Variants in HDAC9 observed in about 807,000 individuals in gnomAD.
HDAC9 encodes the protein MEF-2 interacting transcription repressor (MITR) protein.
HDAC9 carries 41 observed loss-of-function variants against 139.4 expected under a neutral mutation model. That is an observed-to-expected ratio of 0.29 (90% CI 0.23 to 0.38). The LOEUF (loss-of-function observed/expected upper bound fraction) is 0.38. Ranked by LOEUF, HDAC9 falls within the 10% of genes least tolerant of loss-of-function variation. HDAC9 has a pLI of 1.00. For synonymous variants in HDAC9, 517 were observed against 476.2 expected (o/e 1.09, Z -1.12); for missense variants, 1,147 against 1,297.0 (o/e 0.88, Z 1.78).
chr7:18,377,446 A>G (rs1785081897), intron 1 of HDAC9, among the ~76,000 whole-genome samples: 1 of 152,206 alleles, frequency 6.6e-6, no homozygotes, highest in African/African-American at 2.4e-5. Flanking sequence ...AGTAGTATTT[A>G]TTAACCATAT....
At chr7:18,475,123 CA>C (rs1027371689) in intron 1 of HDAC9, among the ~76,000 whole-genome samples, 4 of 152,168 alleles carry the variant, frequency 2.6e-5, no homozygotes, top group African/African-American at 9.6e-5. Flanking sequence ...CTTTGCCTAA[CA>C]GAGCTCGGAA....
At chr7:18,676,057 T>C (rs1781485392) in intron 12 of HDAC9, among the ~76,000 whole-genome samples, 1 of 151,158 alleles carries the variant, frequency 6.6e-6, no homozygotes, top group African/African-American at 2.4e-5. Context: ...ATAAGCTATG[T>C]CTGTGCCCAG....
chr7:18,765,533 CGGT>C (rs1584998956), intron 15 of HDAC9, among the ~76,000 whole-genome samples: 1 of 151,918 alleles, frequency 6.6e-6, no homozygotes, highest in Non-Finnish European at 1.5e-5. Flanking sequence ...GCAGAAGAAT[CGGT>C]GGAGGCTGCA....
At chr7:18,847,942 C>A (rs1291201346) in intron 21 of HDAC9, among the ~76,000 whole-genome samples, 7 of 152,180 alleles carry the variant, frequency 4.6e-5, no homozygotes, top group Non-Finnish European at 1.0e-4. Flanking sequence ...TCAGACTTAA[C>A]TCGTTATGAA....
At chr7:18,298,927 A>G (rs1249483206) in intron 1 of HDAC9, among the ~76,000 whole-genome samples, 1 of 152,174 alleles carries the variant, frequency 6.6e-6, no homozygotes, top group Non-Finnish European at 1.5e-5. Flanking sequence ...AGTAAGTAGG[A>G]GGGAAAGTGT....
intron 1 of HDAC9, among the ~76,000 whole-genome samples, chr7:18,304,617 A>C: frequency 6.6e-6 from 1 of 152,178 alleles, no homozygotes; most frequent in East Asian, 1.9e-4. Context: ...GTTCTCTTTG[A>C]CAAAAAAGTA....
At chr7:18,207,559 A>ATTTTTTTTTTTTTTTTTTTTCTTT (rs1584636090) in intron 2 of HDAC9, among the ~76,000 whole-genome samples, 1 of 37,348 alleles carries the variant, frequency 2.7e-5, no homozygotes, top group Admixed American at 3.2e-4. Flanking sequence ...TTTTTTTTTG[A>ATTTTTTTTTTTTTTTTTTTTCTTT]TTTGAGCTTT....
intron 1 of HDAC9, among the ~76,000 whole-genome samples, chr7:18,362,769 A>G (rs1198668247): frequency 6.6e-6 from 1 of 152,186 alleles, no homozygotes; most frequent in Non-Finnish European, 1.5e-5. Flanking sequence ...CTACATTTAT[A>G]TCTTAGCAAT....
chr7:18,880,861 A>G (rs983784904), intron 22 of HDAC9, among the ~76,000 whole-genome samples: 68 of 151,474 alleles, frequency 4.5e-4, no homozygotes, highest in Non-Finnish European at 7.4e-4. Context: ...GGGGAACCAA[A>G]TAACAAAGCT....
intron 12 of HDAC9, among the ~76,000 whole-genome samples, chr7:18,716,687 A>G (rs1349700462): frequency 1.3e-5 from 2 of 152,204 alleles, no homozygotes; most frequent in Non-Finnish European, 2.9e-5. Context: ...CCAATTGAGA[A>G]ACAGTGTTGT....
chr7:18,708,178 T>A (rs1333503087), intron 12 of HDAC9, among the ~76,000 whole-genome samples: 2 of 152,078 alleles, frequency 1.3e-5, no homozygotes, highest in East Asian at 3.9e-4. Context: ...AGTTACTGTT[T>A]GTTGGCGTCT....
At position 18,469,581 on chromosome 7, in the gene HDAC9, G is replaced by T. The variant is rs138639126; in HGVS notation, c.-41-26681G>T. Among the ~76,000 whole-genome samples the T allele has an allele frequency of 4.8e-3, 728 of 152,256 alleles. 4 individuals are homozygous for T. Among genetic ancestry groups the T allele is most frequent in the Non-Finnish European group, 8.6e-3 (583 of 68,022 alleles). ...AGTAACAACCTAATGGTACCACATT[G>T]TATTTCATGAATGGGAGCAATTCAC... is the stretch of plus-strand genomic sequence containing the variant. On this transcript the variant is annotated intron_variant, in intron 1 of 3. Coordinates refer to the HDAC9 transcript ENST00000413509.
intron 17 of HDAC9, among the ~76,000 whole-genome samples, chr7:18,801,569 A>G (rs971557291): frequency 1.3e-5 from 2 of 152,154 alleles, no homozygotes; most frequent in Non-Finnish European, 1.5e-5. Context: ...AGACCCATCA[A>G]TCTAGTGCAT....
intron 1 of HDAC9, among the ~76,000 whole-genome samples, chr7:18,418,035 C>G (rs1181097272): frequency 6.6e-6 from 1 of 152,168 alleles, no homozygotes; most frequent in African/African-American, 2.4e-5. Context: ...TAGAAATGCT[C>G]TCTTGGCAAC....
In HDAC9 at chr7:18,527,440, T is replaced by A. The variant is rs529473512; in HGVS notation, c.22+31116T>A. ...CATTGAGAAAATTACTGAGGGTGTC[T>A]GGGTAATATCTCAGAATTAGATTTG... On this transcript the variant is annotated intron_variant, in intron 2 of 25. Coordinates refer to ENST00000686413, the MANE Select transcript of HDAC9 (RefSeq NM_178425.4). 7.2e-5 allele frequency among the ~76,000 whole-genome samples: 11 copies of A among 152,298 alleles called. No individual in the cohort carries two copies. In the East Asian group the frequency reaches 2.1e-3, roughly 29 times the overall value.
intron 21 of HDAC9, among the ~76,000 whole-genome samples, chr7:18,864,262 T>G (rs1392936418): frequency 6.6e-6 from 1 of 152,074 alleles, no homozygotes; most frequent in Non-Finnish European, 1.5e-5. Context: ...TTATGCTGAG[T>G]GAAATAAGGC....
intron 2 of HDAC9, among the ~76,000 whole-genome samples, chr7:18,553,983 C>A (rs1817942193): frequency 6.6e-6 from 1 of 152,120 alleles, no homozygotes; most frequent in African/African-American, 2.4e-5. Context: ...TAGGGCAGTT[C>A]TTTTCTTGTA....
At chr7:18,541,295 G>T (rs1042274506) in intron 2 of HDAC9, among the ~76,000 whole-genome samples, 1 of 151,944 alleles carries the variant, frequency 6.6e-6, no homozygotes, top group African/African-American at 2.4e-5. Context: ...TTTGCAGCCT[G>T]CCAGTAGAAC....
At chr7:18,418,648 A>T (rs567789783) in intron 1 of HDAC9, among the ~76,000 whole-genome samples, 1 of 152,124 alleles carries the variant, frequency 6.6e-6, no homozygotes, top group East Asian at 1.9e-4. Flanking sequence ...AAAGGACTTT[A>T]TTTTTTACTT....
Sources: allele counts gnomAD v4.1 joint callset (sites outside exome capture counted in the v4.1 genomes callset), GRCh38; gene constraint gnomAD v4.1.1; transcripts MANE v1.5; gene names NCBI Gene and HGNC (gene_info 2026-07-23, HGNC 2026-07-21).